The following ZBBX variants were observed in gnomAD, a reference collection of about 807,000 sequenced individuals.
The protein encoded by ZBBX is zinc finger B-box domain-containing protein 1.
A neutral mutation model predicts 108.5 loss-of-function variants in ZBBX; 101 were observed. The observed-to-expected ratio is 0.93, with a 90% CI of 0.79 to 1.10. ZBBX has a LOEUF of 1.10. Ranked by LOEUF, ZBBX falls within the 50% of genes least tolerant of loss-of-function variation. The pLI, the probability that ZBBX is intolerant of heterozygous loss-of-function variation, is 0.00. For missense variants in ZBBX, 1,009 were observed against 941.4 expected (o/e 1.07, Z -0.94); for synonymous variants, 356 against 323.4 (o/e 1.10, Z -1.08).
intron 1 of ZBBX, among the ~76,000 whole-genome samples, chr3:167,398,280 CTT>C (rs1748313250): frequency 6.6e-6 from 1 of 151,974 alleles, no homozygotes. Flanking sequence ...AAAAAGATAA[CTT>C]GACTTTAACT....
intron 1 of ZBBX, among the ~76,000 whole-genome samples, chr3:167,404,939 A>G (rs1484615714): frequency 6.6e-6 from 1 of 152,198 alleles, no homozygotes; most frequent in Non-Finnish European, 1.5e-5. Context: ...AATGAAGCTA[A>G]TAAACTGGAG....
chr3:167,261,079 C>A (rs546694821), intron 20 of ZBBX, among the ~76,000 whole-genome samples: 3 of 152,282 alleles, frequency 2.0e-5, no homozygotes, highest in African/African-American at 7.2e-5. Flanking sequence ...CTGAGCTGAA[C>A]TGCAGTGATT....
intron 16 of ZBBX, among the ~76,000 whole-genome samples, chr3:167,308,087 C>T (rs1733974950): frequency 6.6e-6 from 1 of 152,048 alleles, no homozygotes; most frequent in East Asian, 1.9e-4. Context: ...TAAGAACCAC[C>T]TTCTATAAGG....
intron 9 of ZBBX, among the ~76,000 whole-genome samples, chr3:167,337,547 T>TC (rs1739775090): frequency 6.6e-6 from 1 of 152,072 alleles, no homozygotes; most frequent in African/African-American, 2.4e-5. Flanking sequence ...TAGGACATTG[T>TC]CACACTCAGA....
chr3:167,178,531 AG>A, the ZBBX span, among the ~76,000 whole-genome samples: 2 of 152,226 alleles, frequency 1.3e-5, no homozygotes, highest in African/African-American at 2.4e-5. Context: ...CCTCAGCATC[AG>A]TCTTGACATG....
At chr3:167,389,544 G>T (rs1179669027) in intron 1 of ZBBX, among the ~76,000 whole-genome samples, 4 of 152,120 alleles carry the variant, frequency 2.6e-5, no homozygotes, top group African/African-American at 9.7e-5. Flanking sequence ...GATCCTTGAG[G>T]AGCTGCCACA....
At chr3:167,253,530 A>G (rs116399370) in intron 20 of ZBBX, among the ~76,000 whole-genome samples, 2,119 of 152,244 alleles carry the variant, frequency 0.014, 26 homozygotes, top group South Asian at 0.026. Context: ...GAAAGCCCAG[A>G]TCTTTCAACA....
At chr3:167,196,270 C>T in the ZBBX span, among the ~76,000 whole-genome samples, 605 of 152,220 alleles carry the variant, frequency 4.0e-3, 2 homozygotes, top group African/African-American at 0.014. Flanking sequence ...TCATGTGAAA[C>T]CAATTCTATT....
chr3:167,213,554 C>G, the ZBBX span, among the ~76,000 whole-genome samples: 2 of 152,046 alleles, frequency 1.3e-5, no homozygotes, highest in African/African-American at 4.8e-5. Flanking sequence ...CATAAAGAGA[C>G]CATATCTATG....
At chr3:167,283,057 C>T (rs374415986) in intron 19 of ZBBX, among the ~76,000 whole-genome samples, 1 of 152,112 alleles carries the variant, frequency 6.6e-6, no homozygotes, top group African/African-American at 2.4e-5. Context: ...ATTGAGATCA[C>T]GTCTCTAATT....
At chr3:167,209,768 A>G in the ZBBX span, among the ~76,000 whole-genome samples, 1 of 152,194 alleles carries the variant, frequency 6.6e-6, no homozygotes, top group East Asian at 1.9e-4. Context: ...ATGGAAAAAT[A>G]GAGATGTATG....
chr3:167,399,854 C>T (rs529613206), intron 1 of ZBBX, among the ~76,000 whole-genome samples: 1 of 152,028 alleles, frequency 6.6e-6, no homozygotes, highest in Non-Finnish European at 1.5e-5. Flanking sequence ...TAGCCCTATT[C>T]CCCCTCCCTC....
the ZBBX span, among the ~76,000 whole-genome samples, chr3:167,204,907 A>T: frequency 2.6e-5 from 4 of 151,786 alleles, no homozygotes; most frequent in Non-Finnish European, 5.9e-5. Context: ...CTCAGACCAA[A>T]AAAAAAAAAG....
At chr3:167,227,566 C>T in the ZBBX span, among the ~76,000 whole-genome samples, 1 of 151,532 alleles carries the variant, frequency 6.6e-6, no homozygotes, top group Non-Finnish European at 1.5e-5. Context: ...CCTTTAGTTT[C>T]ATAAAAAAAA....
intron 20 of ZBBX, among the ~76,000 whole-genome samples, chr3:167,261,171 A>G (rs1724442614): frequency 6.6e-6 from 1 of 152,088 alleles, no homozygotes; most frequent in African/African-American, 2.4e-5. Context: ...CCAGCATCCT[A>G]TGATGTGAAC....
the ZBBX span, among the ~76,000 whole-genome samples, chr3:167,183,334 G>T: frequency 6.6e-6 from 1 of 152,126 alleles, no homozygotes; most frequent in Non-Finnish European, 1.5e-5. Context: ...AAGAGTACTC[G>T]GGTGTCCTCC....
At chr3:167,292,875 C>A (rs1730954341) in intron 18 of ZBBX, among the ~76,000 whole-genome samples, 1 of 152,102 alleles carries the variant, frequency 6.6e-6, no homozygotes, top group Non-Finnish European at 1.5e-5. Flanking sequence ...GATATCACCA[C>A]CGATCCCACA....
At chr3:167,372,293 G>C (rs1275079285) in intron 4 of ZBBX, among the ~76,000 whole-genome samples, 1 of 152,196 alleles carries the variant, frequency 6.6e-6, no homozygotes, top group East Asian at 1.9e-4. Context: ...TCCAGTGACT[G>C]TAGGTGACAT....
the ZBBX span, among the ~76,000 whole-genome samples, chr3:167,220,422 T>C: frequency 6.6e-6 from 1 of 152,016 alleles, no homozygotes; most frequent in Non-Finnish European, 1.5e-5. Context: ...AATGCAACAA[T>C]GGTTCAACGT....
Sources: allele counts gnomAD v4.1 joint callset (sites outside exome capture counted in the v4.1 genomes callset), GRCh38; gene constraint gnomAD v4.1.1; transcripts MANE v1.5; gene names NCBI Gene and HGNC (gene_info 2026-07-23, HGNC 2026-07-21).